Variants in DNAJC13 observed in about 807,000 individuals in gnomAD.
DNAJC13 encodes the protein dnaJ homolog subfamily C member 13.
In DNAJC13, 75 loss-of-function variants were observed where a neutral mutation model predicts 290.5. The ratio of observed to expected loss-of-function variants is 0.26; its 90% CI spans 0.21 to 0.31. The LOEUF (loss-of-function observed/expected upper bound fraction) is 0.31. Ranked by LOEUF, DNAJC13 falls within the 10% of genes least tolerant of loss-of-function variation. The pLI, the probability that DNAJC13 is intolerant of heterozygous loss-of-function variation, is 1.00. For missense variants in DNAJC13, 2,260 were observed against 2,674.5 expected (o/e 0.85, Z 3.42); for synonymous variants, 862 against 892.0 (o/e 0.97, Z 0.60).
chr3:132,462,449 T>G lies in DNAJC13; in HGVS notation c.1714-18T>G, dbSNP rs750398305. On this transcript the variant is annotated intron_variant, in intron 15 of 55. Transcript: ENST00000260818. Reference sequence around the variant, plus strand: ...ATTCTTTTTTATTTTTTGATACTTTTTCCCCCTCACTTTAAAGCATCCTTC... The same window carrying G: ...ATTCTTTTTTATTTTTTGATACTTTGTCCCCCTCACTTTAAAGCATCCTTC... 6.2e-7 allele frequency: 1 copy of G among 1,606,046 alleles called. No individual in the cohort carries two copies. Among genetic ancestry groups the G allele is most frequent in the East Asian group, 2.2e-5 (1 of 44,534 alleles).
chr3:132,498,975 C>T, intron 36 of DNAJC13, 151 bp from the exon 37 acceptor site: 1 of 632,264 alleles, frequency 1.6e-6, no homozygotes, highest in East Asian at 3.1e-5. Flanking sequence ...CTTGGCCTCC[C>T]AAAGTGCTGG....
rs145261412 is a variant in DNAJC13 at position 132,456,760 on chromosome 3, A to G, written c.1277A>G (p.Glu426Gly). Residue 426 changes from glutamate to glycine, a missense_variant, in exon 12 of 56, where the codon GAG (glutamate) becomes GGG (glycine). Coordinates refer to ENST00000260818, the MANE Select transcript of DNAJC13 (RefSeq NM_015268.4). The stretch of plus-strand genomic sequence containing the variant: ...GTCGTTGCTTCAAATGCGGAACTTG[A>G]GAGTCAGTTCCAGGCTGTGAGGAGG... ...GDVVASNAEL[E>G]SQFQAVRRLV... is the part of the protein sequence containing the mutation. 6.2e-6 allele frequency: 10 copies of G among 1,614,012 alleles called. No individual in the cohort carries two copies. The highest frequency in any genetic ancestry group is 6.8e-6 in the Non-Finnish European group (8 of 1,179,970).
At chr3:132,493,269 C>T (rs1318969938) in intron 33 of DNAJC13, among the ~76,000 whole-genome samples, 1 of 151,960 alleles carries the variant, frequency 6.6e-6, no homozygotes, top group Admixed American at 6.6e-5. Context: ...GCACCTGTGC[C>T]CATGTTGTTC....
chr3:132,502,496 A>T (rs759780938), intron 40 of DNAJC13, 28 bp downstream of exon 40: 3 of 1,565,574 alleles, frequency 1.9e-6, no homozygotes, highest in Non-Finnish European at 2.6e-6. Context: ...TTAATATTGA[A>T]TTTGAACCCA....
rs370912752 is a variant in DNAJC13 at position 132,487,621 on chromosome 3, A to C, written c.3268-677A>C. Among the ~76,000 whole-genome samples the C allele has an allele frequency of 2.7e-5, 4 of 145,486 alleles. No homozygotes were observed. The South Asian group carries it at 6.4e-4, about 23-fold the overall frequency. ...CCCGAATTGAGGATTCATTGGAAGCAAGTGTTTTATAGAAAATTGGAACGA... is the reference window on the plus strand; with the variant it reads ...CCCGAATTGAGGATTCATTGGAAGCCAGTGTTTTATAGAAAATTGGAACGA... On this transcript the variant is annotated intron_variant, in intron 29 of 55. Coordinates refer to ENST00000260818, the MANE Select transcript of DNAJC13 (RefSeq NM_015268.4).
intron 41 of DNAJC13, among the ~76,000 whole-genome samples, chr3:132,504,650 T>A (rs1935531012): frequency 6.6e-6 from 1 of 152,188 alleles, no homozygotes; most frequent in Admixed American, 6.5e-5. Context: ...GTTTTCCTAT[T>A]AGCAGTAGAC....
At chr3:132,478,808 G>T (rs951658345) in intron 24 of DNAJC13, among the ~76,000 whole-genome samples, 1 of 152,108 alleles carries the variant, frequency 6.6e-6, no homozygotes, top group Non-Finnish European at 1.5e-5. Flanking sequence ...TGGTGGAGGG[G>T]ACAAATTAAT....
chr3:132,532,447 A>G (rs1936443843), intron 55 of DNAJC13, among the ~76,000 whole-genome samples: 1 of 152,158 alleles, frequency 6.6e-6, no homozygotes, highest in Non-Finnish European at 1.5e-5. Context: ...GCTGCAGGTC[A>G]TGTCCTGTTC....
At chr3:132,438,432 CTGT>C (rs1939434836) in intron 2 of DNAJC13, among the ~76,000 whole-genome samples, 1 of 152,262 alleles carries the variant, frequency 6.6e-6, no homozygotes, top group East Asian at 1.9e-4. Context: ...TTAAAATTTT[CTGT>C]TGTTTCAGAA....
At chr3:132,502,236 T>C in intron 39 of DNAJC13, 53 bp from the exon 40 acceptor site, 1 of 1,236,216 alleles carries the variant, frequency 8.1e-7, no homozygotes, top group Non-Finnish European at 1.1e-6. Context: ...TGGGAGCTTT[T>C]TTTTTTTTTT....
At chr3:132,450,910 A>G in intron 6 of DNAJC13, 63 bp downstream of exon 6, 1 of 1,002,022 alleles carries the variant, frequency 1.0e-6, no homozygotes, top group East Asian at 2.5e-5. Flanking sequence ...AAGGAAAGCA[A>G]AGCTTTTTAT....
In DNAJC13 at chr3:132,507,320, G is replaced by T; in HGVS notation, c.5082G>T (p.Arg1694Ser). The change falls in exon 43 of 56, where the codon AGG becomes AGT. Residue 1694 changes from arginine to serine, a missense_variant. This residue lies in a region of DNAJC13 where 1,494 missense variants were observed against 1,693.7 expected (regional missense o/e 0.88). Coordinates refer to ENST00000260818, the MANE Select transcript of DNAJC13 (RefSeq NM_015268.4). ...KELIVGEIFV[R>S]VYNEVPTFQL... Reference sequence around the variant, plus strand: ...TTATTGTAGGGGAGATTTTTGTTAGGGTGTATAATGAAGTTCCTACTTTCC... The same window carrying T: ...TTATTGTAGGGGAGATTTTTGTTAGTGTGTATAATGAAGTTCCTACTTTCC... The T allele has an allele frequency of 6.2e-7, 1 of 1,611,510 alleles. No individual in the cohort carries two copies. The highest frequency in any genetic ancestry group is 1.1e-5 in the South Asian group (1 of 90,942).
rs748220344 is a variant in DNAJC13, at chr3:132,516,520, G to T, written c.5560+24G>T. On this transcript the variant is annotated intron_variant, in intron 47 of 55. Transcript: ENST00000260818. Reference sequence around the variant, plus strand: ...GGGTAATGTATAGAGTGCTTTCTTAGCTAGTCATGTGCAATATAATGAAGC... The same window carrying T: ...GGGTAATGTATAGAGTGCTTTCTTATCTAGTCATGTGCAATATAATGAAGC... 8.1e-6 allele frequency: 13 copies of T among 1,608,878 alleles called. No homozygotes were observed. The highest frequency in any genetic ancestry group is 1.3e-5 in the African/African-American group (1 of 74,790).
intron 1 of DNAJC13, among the ~76,000 whole-genome samples, chr3:132,423,934 T>G (rs1377551484): frequency 6.6e-6 from 1 of 152,186 alleles, no homozygotes; most frequent in Non-Finnish European, 1.5e-5. Flanking sequence ...TCAGGGCCTG[T>G]TTACCATAGT....
rs532959724 is a variant in DNAJC13, at chr3:132,501,047, A to G, written c.4536+134A>G. Reference sequence around the variant, plus strand: ...TAAAATTATTTGGATTTCTAAAAGCATTTTTCACAGAAGCCTTGCTGTAAA... The same window carrying G: ...TAAAATTATTTGGATTTCTAAAAGCGTTTTTCACAGAAGCCTTGCTGTAAA... On this transcript the variant is annotated intron_variant, in intron 39 of 55. Coordinates refer to ENST00000260818, the MANE Select transcript of DNAJC13 (RefSeq NM_015268.4). 20 of 1,175,932 alleles carry G rather than the reference A, an allele frequency of 1.7e-5. No individual in the cohort carries two copies. In the African/African-American group the frequency reaches 2.6e-4, roughly 15 times the overall value. The allele number at this position is 1,175,932 out of a possible 1,614,324, so 72.8% of individuals were successfully genotyped here.
At chr3:132,456,942 A>G in intron 12 of DNAJC13, 110 bp downstream of exon 12, 1 of 1,200,688 alleles carries the variant, frequency 8.3e-7, no homozygotes, top group Non-Finnish European at 1.2e-6. Flanking sequence ...TACCTTTTAT[A>G]GGGTGATATG....
At chr3:132,461,226 T>G in intron 15 of DNAJC13, 21 bp downstream of exon 15, 2 of 1,613,262 alleles carry the variant, frequency 1.2e-6, no homozygotes, top group Non-Finnish European at 1.7e-6. Context: ...GTATTTTTCT[T>G]GTCAGATAAC....
chr3:132,506,801 C>T lies in DNAJC13; in HGVS notation c.4999-436C>T, dbSNP rs111796610. 4.7e-3 allele frequency among the ~76,000 whole-genome samples: 713 copies of T among 152,052 alleles called. 7 individuals carry two copies. Among genetic ancestry groups the T allele is most frequent in the African/African-American group, 0.014 (596 of 41,486 alleles). On this transcript the variant is annotated intron_variant, in intron 42 of 55. Transcript: ENST00000260818. Reference sequence around the variant, plus strand: ...TCTTGACCTCATGATCCACCCGCCTCGGCCTCCCTAAGTGCTGGGATTACA... The same window carrying T: ...TCTTGACCTCATGATCCACCCGCCTTGGCCTCCCTAAGTGCTGGGATTACA...
rs117105466 is a variant in DNAJC13 at position 132,497,128 on chromosome 3, C to G, written c.4156+465C>G. Among the ~76,000 whole-genome samples the G allele has an allele frequency of 3.1e-4, 47 of 152,290 alleles. No homozygotes were observed. In the East Asian group the frequency reaches 8.9e-3, roughly 29 times the overall value. ...TTCAAATGATGATATACTTCTCATA[C>G]GTTCTATTTCCTATTGTAGCTCTCA... is the stretch of plus-strand genomic sequence containing the variant. On this transcript the variant is annotated intron_variant, in intron 36 of 55. Coordinates refer to ENST00000260818, the MANE Select transcript of DNAJC13 (RefSeq NM_015268.4).
Sources: gnomAD v4.1 joint callset for allele counts (sites outside exome capture counted in the v4.1 genomes callset) on GRCh38, gnomAD v4.1.1 for gene constraint, gnomAD v4.1.1 regional missense constraint, MANE v1.5 for transcripts, NCBI Gene and HGNC (gene_info 2026-07-23, HGNC 2026-07-21) for gene names.